Variants in FBLN1 observed in about 807,000 individuals in gnomAD.
FBLN1 encodes the protein fibulin 1, also known as fibulin-1.
In FBLN1, 34 loss-of-function variants were observed where a neutral mutation model predicts 89.7. That is an observed-to-expected ratio of 0.38 (90% CI 0.29 to 0.50). The LOEUF (loss-of-function observed/expected upper bound fraction) is 0.50, where lower values mean the gene tolerates loss of function less well. Ranked by LOEUF, FBLN1 falls within the 20% of genes least tolerant of loss-of-function variation. FBLN1 has a pLI of 0.92. For synonymous variants in FBLN1, 393 were observed against 391.3 expected, an observed-to-expected ratio of 1.00 and a Z score of -0.05; for missense variants, 777 against 988.1, an observed-to-expected ratio of 0.79 and a Z score of 2.86.
In FBLN1 at chr22:45,565,187, C is replaced by G. The variant is rs767175735; in HGVS notation, c.1698-9324C>G. The G allele has an allele frequency of 6.5e-5, 100 of 1,539,296 alleles. 1 individual carries two copies. In the South Asian group the frequency reaches 1.1e-3, roughly 17 times the overall value. On this transcript the variant is annotated intron_variant, in intron 14 of 16. Coordinates refer to ENST00000327858, the MANE Select transcript of FBLN1 (RefSeq NM_006486.3). ...CATTCTCCAAGATGCAGCCCAGGAG[C>G]CTCTCTGAAGGACCAGTCTGGTTAC...
chr22:45,543,135 C>T (rs1458176662), intron 10 of FBLN1, among the ~76,000 whole-genome samples: 1 of 152,166 alleles, frequency 6.6e-6, no homozygotes, highest in Non-Finnish European at 1.5e-5. Context: ...GGCGTGGTGG[C>T]ACATGCCTGT....
intron 14 of FBLN1, chr22:45,565,165 T>G (rs762523926): frequency 6.4e-7 from 1 of 1,563,870 alleles, no homozygotes; most frequent in Non-Finnish European, 8.6e-7. Flanking sequence ...TGTAGTACAT[T>G]CTCCAAGATG....
chr22:45,570,319 C>CAAAAAAAAAAAAAAAAAAAAAAGAAAA (rs761469854), intron 14 of FBLN1, among the ~76,000 whole-genome samples: 1 of 36,444 alleles, frequency 2.7e-5, no homozygotes, highest in African/African-American at 7.6e-5. Context: ...GACTCTGTCT[C>CAAAAAAAAAAAAAAAAAAAAAAGAAAA]AAAAAAAAAA....
At chr22:45,560,958 G>C (rs1292440156) in intron 14 of FBLN1, among the ~76,000 whole-genome samples, 3 of 152,246 alleles carry the variant, frequency 2.0e-5, no homozygotes, top group Middle Eastern at 3.4e-3. Context: ...TTAGACAAAG[G>C]TGGAAAGGCT....
intron 14 of FBLN1, among the ~76,000 whole-genome samples, chr22:45,554,878 T>C (rs1173779124): frequency 1.3e-5 from 2 of 152,246 alleles, no homozygotes; most frequent in African/African-American, 4.8e-5. Flanking sequence ...AACTTGTTAC[T>C]ATCCTGTAGC....
In FBLN1 at chr22:45,578,321, A is replaced by G. The variant is rs1255472580; in HGVS notation, c.1972+1213A>G. 6.6e-6 allele frequency: 1 copy of G among 152,230 alleles called. No homozygotes were observed. The highest frequency in any genetic ancestry group is 1.5e-5 in the Non-Finnish European group (1 of 68,036). The allele number at this position is 152,230 out of a possible 1,614,324, so 9.4% of individuals were successfully genotyped here. ...TTATAGCACCTTTACAAGCTTTTAA[A>G]TGGGTTTGCATGTTGTAAACATGAC... On this transcript the variant is annotated intron_variant, in intron 16 of 16. Transcript: ENST00000327858. The surrounding 1 kb of genome is among the most constrained non-coding windows in gnomAD (Gnocchi z 4.6).
intron 1 of FBLN1, among the ~76,000 whole-genome samples, chr22:45,508,464 T>C (rs2088054462): frequency 6.6e-6 from 1 of 152,158 alleles, no homozygotes; most frequent in South Asian, 2.1e-4. Flanking sequence ...GGTTTCACTA[T>C]GTTGGCCAGA....
chr22:45,590,555 C>T lies in FBLN1; in HGVS notation c.1973-9752C>T, dbSNP rs2089127335. On this transcript the variant is annotated intron_variant, in intron 16 of 16. Coordinates refer to ENST00000327858, the MANE Select transcript of FBLN1 (RefSeq NM_006486.3). This position sits in a 1 kb window ranked among gnomAD's most constrained non-coding sequence, Gnocchi z 4.1. ...AGTGGGCCCCCACGGTTGGATTTAC[C>T]TCCTGGCTCTGAGCACAGTGGGAAG... 6.6e-6 allele frequency among the ~76,000 whole-genome samples: 1 copy of T among 152,186 alleles called. No homozygotes were observed. The highest frequency in any genetic ancestry group is 1.5e-5 in the Non-Finnish European group (1 of 68,038).
intron 16 of FBLN1, among the ~76,000 whole-genome samples, chr22:45,587,852 G>A (rs923762841): frequency 9.9e-5 from 15 of 152,270 alleles, no homozygotes; most frequent in Admixed American, 7.8e-4. Flanking sequence ...ACCTCCTCTT[G>A]GATGCCGTCC....
At position 45,583,340 on chromosome 22, in the gene FBLN1, G is replaced by A. The variant is rs1179590112; in HGVS notation, c.1972+6232G>A. ...AAGTCTGGCCAAGCAGCATGGCAGC[G>A]ATGAAGTCCACATGATCGAAGGGTG... On this transcript the variant is annotated intron_variant, in intron 16 of 16. Coordinates refer to ENST00000327858, the MANE Select transcript of FBLN1 (RefSeq NM_006486.3). The surrounding 1 kb of genome is among the most constrained non-coding windows in gnomAD (Gnocchi z 4.5). Among the ~76,000 whole-genome samples the A allele has an allele frequency of 2.6e-5, 4 of 151,702 alleles. No homozygotes were observed. Among genetic ancestry groups the A allele is most frequent in the Admixed American group, 2.0e-4 (3 of 15,234 alleles).
chr22:45,587,282 C>G (rs575409632), intron 16 of FBLN1, among the ~76,000 whole-genome samples: 5 of 145,452 alleles, frequency 3.4e-5, no homozygotes, highest in Admixed American at 2.8e-4. Context: ...GAGAGACGTC[C>G]TCAGCCCAGA....
intron 7 of FBLN1, 57 bp from the exon 8 acceptor site, chr22:45,535,143 G>C: frequency 6.2e-7 from 1 of 1,604,542 alleles, no homozygotes; most frequent in Non-Finnish European, 8.5e-7. Flanking sequence ...TTAAAGTGTT[G>C]TAAGATGCTT....
intron 1 of FBLN1, among the ~76,000 whole-genome samples, chr22:45,515,604 C>T (rs1394394571): frequency 2.0e-5 from 3 of 152,154 alleles, no homozygotes; most frequent in East Asian, 3.9e-4. Flanking sequence ...GCTCTGGGGC[C>T]ACAGCTCACC....
Position 45,562,031 on chromosome 22 carries a change from ACT to A in FBLN1, c.1697+11421_1697+11422del, listed in dbSNP as rs1031336546. On this transcript the variant is annotated intron_variant, in intron 14 of 16. Coordinates refer to ENST00000327858, the MANE Select transcript of FBLN1 (RefSeq NM_006486.3). This position sits in a 1 kb window ranked among gnomAD's most constrained non-coding sequence, Gnocchi z 7.8. ...TTCCCAGCCCACTGACTCAAATGTGACTCTCTTTTGGCAACACCCTCACAGAC... is the reference window on the plus strand; with the variant it reads ...TTCCCAGCCCACTGACTCAAATGTGACTCTTTTGGCAACACCCTCACAGAC... Among the ~76,000 whole-genome samples the A allele has an allele frequency of 2.0e-5, 3 of 151,846 alleles. No individual in the cohort carries two copies. Among genetic ancestry groups the A allele is most frequent in the African/African-American group, 7.3e-5 (3 of 41,302 alleles).
chr22:45,578,978 G>A lies in FBLN1; in HGVS notation c.1972+1870G>A, dbSNP rs768558808. ...ACCCCGTATCAGATCATCAAAATAT[G>A]ATGCCGAAATAGGCATGCACAGAGA... On this transcript the variant is annotated intron_variant, in intron 16 of 16. Coordinates refer to ENST00000327858, the MANE Select transcript of FBLN1 (RefSeq NM_006486.3). The surrounding 1 kb of genome is among the most constrained non-coding windows in gnomAD (Gnocchi z 4.6). Among the ~76,000 whole-genome samples, 25 of 152,248 alleles carry A rather than the reference G, an allele frequency of 1.6e-4. No individual in the cohort carries two copies. The highest frequency in any genetic ancestry group is 3.9e-4 in the Admixed American group (6 of 15,290).
intron 14 of FBLN1, among the ~76,000 whole-genome samples, chr22:45,571,111 C>CAAAAAAAAAAA (rs542647353): frequency 5.8e-4 from 41 of 70,834 alleles, no homozygotes; most frequent in African/African-American, 1.8e-3. Flanking sequence ...ACAAGAGTCT[C>CAAAAAAAAAAA]AAAAAAAAAA....
intron 16 of FBLN1, among the ~76,000 whole-genome samples, chr22:45,591,702 A>AT (rs2089137697): frequency 2.0e-5 from 3 of 152,122 alleles, no homozygotes; most frequent in African/African-American, 7.2e-5. Flanking sequence ...CCAGCTTCTG[A>AT]TGCGATTCTC....
intron 1 of FBLN1, among the ~76,000 whole-genome samples, chr22:45,504,578 C>A (rs1459960034): frequency 6.6e-6 from 1 of 152,110 alleles, no homozygotes; most frequent in Non-Finnish European, 1.5e-5. Flanking sequence ...AAGGAAGGAG[C>A]CTCAGAGGCC....
intron 8 of FBLN1, among the ~76,000 whole-genome samples, chr22:45,540,415 G>A (rs1018085513): frequency 4.6e-5 from 7 of 152,186 alleles, no homozygotes. Flanking sequence ...TGAGGAGGGT[G>A]GACTTGGCTG....
Sources: allele counts gnomAD v4.1 joint callset (sites outside exome capture counted in the v4.1 genomes callset), GRCh38; gene constraint gnomAD v4.1.1; non-coding constraint Gnocchi (gnomAD v3.1); transcripts MANE v1.5; gene names NCBI Gene and HGNC (gene_info 2026-07-23, HGNC 2026-07-21).